AMBP: variants seen among roughly 807,000 people sequenced by gnomAD.
AMBP encodes the protein alpha-1-microglobulin/bikunin precursor, also known as protein AMBP.
AMBP carries 37 observed loss-of-function variants against 46.3 expected under a neutral mutation model. That is an observed-to-expected ratio of 0.80 (90% CI 0.61 to 1.05). The LOEUF (loss-of-function observed/expected upper bound fraction) is 1.05. Among genes scored for constraint, AMBP ranks in the 50% least tolerant of loss-of-function variants. The pLI is 0.00. For missense variants in AMBP, 475 were observed against 461.2 expected, an observed-to-expected ratio of 1.03 and a Z score of -0.27; for synonymous variants, 174 against 175.9, an observed-to-expected ratio of 0.99 and a Z score of 0.09.
chr9:114,067,767 C>T (rs1031285786), intron 6 of AMBP, among the ~76,000 whole-genome samples: 2 of 151,924 alleles, frequency 1.3e-5, no homozygotes, highest in Non-Finnish European at 1.5e-5. Context: ...GGAAGGAACA[C>T]GCGACCCAAG....
Position 114,061,568 on chromosome 9 carries a change from C to T in AMBP, c.709G>A (p.Ala237Thr), listed in dbSNP as rs1474823315. The T allele has an allele frequency of 1.9e-6, 3 of 1,604,670 alleles. No homozygotes were observed. Among genetic ancestry groups the T allele is most frequent in the Admixed American group, 3.3e-5 (2 of 59,766 alleles). Reference protein sequence around the residue: ...KEDSCQLGYSAGPCMGMTSRY... With the variant: ...KEDSCQLGYSTGPCMGMTSRY... ...CTGGTCATTCCCATGCAGGGACCGG[C>T]CGAGTAGCCCAGCTGGCAGGAATCT... The change falls in exon 8 of 10, where the codon GCC becomes ACC. Residue 237 changes from alanine to threonine, a missense_variant. Physicochemically the swap from Ala to Thr is moderately conservative, Grantham distance 58 (BLOSUM62 0). Around this residue, in one of 3 missense-constraint regions of AMBP, gnomAD observed 293 missense variants for 276.9 expected, o/e 1.06. Coordinates refer to ENST00000265132, the MANE Select transcript of AMBP (RefSeq NM_001633.4).
At position 114,061,044 on chromosome 9, in the gene AMBP, C is replaced by G. The variant is rs202224575; in HGVS notation, c.908G>C (p.Trp303Ser). The G allele has an allele frequency of 2.8e-5, 45 of 1,614,228 alleles. No homozygotes were observed. The highest frequency in any genetic ancestry group is 1.1e-5 in the Non-Finnish European group (13 of 1,180,046). Residue 303 changes from tryptophan to serine, a missense_variant, in exon 9 of 10, where the codon TGG becomes TCG. Physicochemically the swap from Trp to Ser is radical, Grantham distance 177. This residue lies in a region of AMBP where 293 missense variants were observed against 276.9 expected (regional missense o/e 1.06). Coordinates refer to ENST00000265132, the MANE Select transcript of AMBP (RefSeq NM_001633.4). ...RGPCRAFIQL[W>S]AFDAVKGKCV... ...CTTCCCCTTGACAGCATCAAATGCC[C>G]AGAGCTGGATGAAGGCTCGGCAGGG...
chr9:114,072,734 C>T (rs1298022060), intron 5 of AMBP, among the ~76,000 whole-genome samples, 191 bp downstream of exon 5: 1 of 152,226 alleles, frequency 6.6e-6, no homozygotes, highest in African/African-American at 2.4e-5. Flanking sequence ...GGGTTCTAGT[C>T]TAAGCTCTGC....
At chr9:114,069,850 G>C (rs780269187) in intron 5 of AMBP, 105 bp from the exon 6 acceptor site, 1 of 1,223,948 alleles carries the variant, frequency 8.2e-7, no homozygotes, top group Admixed American at 1.7e-5. Flanking sequence ...GGAACTTGTC[G>C]TGCCTTAGTC....
At position 114,061,446 on chromosome 9, in the gene AMBP, A is replaced by G. The variant is rs140375314; in HGVS notation, c.831T>C (p.Cys277=). The G allele has an allele frequency of 2.8e-4, 448 of 1,614,054 alleles. 1 individual carries two copies. In the African/African-American group the frequency reaches 4.6e-3, roughly 17 times the overall value. Residue 277 remains cysteine, a synonymous_variant, in exon 8 of 10, where the codon TGT becomes TGC. Transcript: ENST00000265132. ...CACCCACAGTTCGGCAGGTCTGCAG[A>G]CACTCCTTTTCTGTGACGAAGTTGT... The part of the protein sequence containing the change: ...NGNNFVTEKE[C]LQTCRTVAAC...
Position 114,061,610 on chromosome 9 carries a change from G to T in AMBP, c.686-19C>A. The T allele has an allele frequency of 6.3e-7, 1 of 1,579,226 alleles. No homozygotes were observed. On this transcript the variant is annotated intron_variant, in intron 7 of 9. Transcript: ENST00000265132. ...CAGGAATCTAGGGAGGGGCAGACCA[G>T]CAGCACTGACCAAGTGTTGACTGTG...
At chr9:114,065,979 T>G (rs1325954001) in intron 6 of AMBP, among the ~76,000 whole-genome samples, 1 of 152,212 alleles carries the variant, frequency 6.6e-6, no homozygotes, top group Non-Finnish European at 1.5e-5. Context: ...GCAATGGATG[T>G]ACTTTCTCAG....
At position 114,062,715 on chromosome 9, in the gene AMBP, C is replaced by A; in HGVS notation, c.647G>T (p.Gly216Val). 1 of 1,614,050 alleles carries A rather than the reference C, an allele frequency of 6.2e-7. No homozygotes were observed. Among genetic ancestry groups the A allele is most frequent in the Non-Finnish European group, 8.5e-7 (1 of 1,180,034 alleles). Reference sequence around the variant, plus strand: ...GACTTCAGTTACCAGTTGCCCACCCCCTGATCCTTCCTCTTCTTGGGGTAG... The same window carrying A: ...GACTTCAGTTACCAGTTGCCCACCCACTGATCCTTCCTCTTCTTGGGGTAG... ...AVLPQEEEGS[G>V]GGQLVTEVTK... Residue 216 changes from glycine (G) to valine (V), a missense_variant, in exon 7 of 10, where the codon GGG becomes GTG. Physicochemically the swap from Gly to Val is moderately radical, Grantham distance 109. This residue lies in a region of AMBP where 293 missense variants were observed against 276.9 expected (regional missense o/e 1.06). Transcript: ENST00000265132.
At chr9:114,066,933 G>T (rs983575444) in intron 6 of AMBP, among the ~76,000 whole-genome samples, 1 of 152,102 alleles carries the variant, frequency 6.6e-6, no homozygotes, top group Non-Finnish European at 1.5e-5. Context: ...TCCAGGATGT[G>T]TTGTTATTAT....
In AMBP at chr9:114,061,019, C is replaced by T. The variant is rs764892648; in HGVS notation, c.933G>A (p.Lys311=). ...AGCCCCCGTAGGGGAAGAGGACGCA[C>T]TTCCCCTTGACAGCATCAAATGCCC... ...QLWAFDAVKG[K]CVLFPYGGCQ... is the part of the protein sequence containing the mutation. The change falls in exon 9 of 10, where the codon AAG becomes AAA. Residue 311 remains lysine (K), a synonymous_variant. Transcript: ENST00000265132. 1.8e-4 allele frequency: 295 copies of T among 1,614,134 alleles called. 1 individual carries two copies. The highest frequency in any genetic ancestry group is 1.0e-5 in the Non-Finnish European group (12 of 1,180,054).
Position 114,076,630 on chromosome 9 carries a change from C to T in AMBP, c.228G>A (p.Glu76=). Residue 76 remains glutamate (E), a synonymous_variant, in exon 2 of 10, where the codon GAG becomes GAA. Coordinates refer to ENST00000265132, the MANE Select transcript of AMBP (RefSeq NM_001633.4). ...GAGTGCTGGTCATGCTGATCTCCGC[C>T]TCTGTAGCGCCCTCTCCCAGCACCA... ...STLVLGEGAT[E]AEISMTSTRW... The T allele has an allele frequency of 6.2e-7, 1 of 1,614,024 alleles. No individual in the cohort carries two copies. The highest frequency in any genetic ancestry group is 8.5e-7 in the Non-Finnish European group (1 of 1,179,996).
chr9:114,069,599 A>G (rs1846723283), intron 6 of AMBP, 100 bp downstream of exon 6: 1 of 1,161,198 alleles, frequency 8.6e-7, no homozygotes, highest in South Asian at 1.3e-5. Flanking sequence ...CCCCCTCCCC[A>G]TGACTCTGCC....
chr9:114,065,576 C>T (rs548590132), intron 6 of AMBP, among the ~76,000 whole-genome samples: 6 of 152,114 alleles, frequency 3.9e-5, no homozygotes, highest in East Asian at 1.9e-4. Flanking sequence ...CGGCAGCCCC[C>T]GGAAACACAC....
At chr9:114,060,400 T>C (rs1846621897) in intron 9 of AMBP, 130 bp from the exon 10 acceptor site, 1 of 1,021,626 alleles carries the variant, frequency 9.8e-7, no homozygotes. Context: ...TTCCATGAAA[T>C]GATCAGATTT....
At chr9:114,062,780 G>A in intron 6 of AMBP, 22 bp from the exon 7 acceptor site, 1 of 1,612,232 alleles carries the variant, frequency 6.2e-7, no homozygotes, top group Non-Finnish European at 8.5e-7. Flanking sequence ...AGAAAGAGAA[G>A]AAGCAGTTGC....
chr9:114,073,978 T>C (rs1282665353), intron 4 of AMBP, 58 bp downstream of exon 4: 95 of 1,534,250 alleles, frequency 6.2e-5, no homozygotes, highest in Non-Finnish European at 8.1e-5. Flanking sequence ...CCACTGTCCA[T>C]AAATCAATGT....
intron 5 of AMBP, 60 bp from the exon 6 acceptor site, chr9:114,069,805 G>A (rs751126364): frequency 1.3e-6 from 2 of 1,567,742 alleles, no homozygotes; most frequent in Non-Finnish European, 1.8e-6. Flanking sequence ...GGCCATCCTA[G>A]ACCCGGATTT....
rs768239457 is a variant in AMBP at position 114,074,064 on chromosome 9, A to G, written c.426T>C (p.His142=). Residue 142 remains histidine (H), a synonymous_variant, in exon 4 of 10, where the codon CAT becomes CAC. Coordinates refer to ENST00000265132, the MANE Select transcript of AMBP (RefSeq NM_001633.4). The stretch of plus-strand genomic sequence containing the variant: ...AGAGCTTGGCAGTAATGGTGGGTCC[A>G]TGATGGCGGCTGAATTTCTTGGTCA... ...IFLTKKFSRH[H]GPTITAKLYG... 1 of 1,614,198 alleles carries G rather than the reference A, an allele frequency of 6.2e-7. No homozygotes were observed. The highest frequency in any genetic ancestry group is 8.5e-7 in the Non-Finnish European group (1 of 1,180,032).
At position 114,066,319 on chromosome 9, in the gene AMBP, A is replaced by G. The variant is rs549663187; in HGVS notation, c.603+3380T>C. On this transcript the variant is annotated intron_variant, in intron 6 of 9. Coordinates refer to ENST00000265132, the MANE Select transcript of AMBP (RefSeq NM_001633.4). ...AACAGAACTCAAGAAACAGAAGGAA[A>G]TTCCTCAATGCCTTCAAGCTATAGA... Among the ~76,000 whole-genome samples, 12 of 152,070 alleles carry G rather than the reference A, an allele frequency of 7.9e-5. No homozygotes were observed. In the East Asian group the frequency reaches 2.3e-3, roughly 29 times the overall value.
Sources: allele counts gnomAD v4.1 joint callset (sites outside exome capture counted in the v4.1 genomes callset), GRCh38; gene constraint gnomAD v4.1.1; regional missense constraint gnomAD v4.1.1; transcripts MANE v1.5; gene names NCBI Gene and HGNC (gene_info 2026-07-23, HGNC 2026-07-21).